PRR14L: variants seen among roughly 807,000 people sequenced by gnomAD.
PRR14L encodes protein PRR14L.
PRR14L carries 80 observed loss-of-function variants against 155.0 expected under a neutral mutation model. The ratio of observed to expected loss-of-function variants is 0.52; its 90% CI spans 0.43 to 0.62. The LOEUF (loss-of-function observed/expected upper bound fraction) is 0.62. PRR14L is among the 20% of genes least tolerant of loss of function. PRR14L has a pLI of 0.00. For synonymous variants in PRR14L, 883 were observed against 916.0 expected (o/e 0.96, Z 0.65); for missense variants, 2,469 against 2,548.0 (o/e 0.97, Z 0.67).
At chr22:31,694,361 C>T (rs1183987919) in intron 7 of PRR14L, among the ~76,000 whole-genome samples, 3 of 152,064 alleles carry the variant, frequency 2.0e-5, no homozygotes, top group East Asian at 1.9e-4. Flanking sequence ...TGAGCTACCA[C>T]GCCCGGCCAG....
chr22:31,714,654 TTAC>T lies in PRR14L; in HGVS notation c.3182_3184del (p.Ser1061del). ...GTCCAGCACACCTTCTGCAAGCTTATTACTACAGTCCGTGTAGACGATGTCTAC... is the reference window on the plus strand; with the variant it reads ...GTCCAGCACACCTTCTGCAAGCTTATTACAGTCCGTGTAGACGATGTCTAC... On this transcript the variant is annotated inframe_deletion, in exon 4 of 9. Transcript: ENST00000327423. 6.4e-7 allele frequency: 1 copy of T among 1,552,252 alleles called. No individual in the cohort carries two copies. The highest frequency in any genetic ancestry group is 8.7e-7 in the Non-Finnish European group (1 of 1,147,106).
At chr22:31,702,723 C>T (rs1189555668) in intron 6 of PRR14L, among the ~76,000 whole-genome samples, 1 of 151,858 alleles carries the variant, frequency 6.6e-6, no homozygotes, top group African/African-American at 2.4e-5. Flanking sequence ...ACCATACTGG[C>T]CAGGCTGGTC....
intron 3 of PRR14L, among the ~76,000 whole-genome samples, chr22:31,719,716 G>C (rs2074679987): frequency 6.6e-6 from 1 of 151,572 alleles, no homozygotes; most frequent in Admixed American, 6.6e-5. Context: ...GACCAGCTAA[G>C]CTTCAATCAT....
chr22:31,734,227 TC>T, intron 2 of PRR14L, among the ~76,000 whole-genome samples: 1 of 152,268 alleles, frequency 6.6e-6, no homozygotes, highest in African/African-American at 2.4e-5. Context: ...CGCCTCAGCC[TC>T]CCAAAGTGCT....
In PRR14L at chr22:31,738,748, G is replaced by A. The variant is rs1273704683; in HGVS notation, c.113C>T (p.Ala38Val). The change falls in exon 2 of 9, where the codon GCT becomes GTT. Residue 38 changes from alanine to valine, a missense_variant. Around this residue, in one of 2 missense-constraint regions of PRR14L, gnomAD observed 2,363 missense variants for 2,371.6 expected, o/e 1.00. Coordinates refer to ENST00000327423, the MANE Select transcript of PRR14L (RefSeq NM_173566.3). ...LPVSVSRELH[A>V]DPEPSVIPDV... is the part of the protein sequence containing the mutation. ...TGGAATCACACTTGGCTCAGGGTCA[G>A]CATGAAGCTCTCTGGAGACACTTAC... 2 of 1,551,894 alleles carry A rather than the reference G, an allele frequency of 1.3e-6. No individual in the cohort carries two copies. The highest frequency in any genetic ancestry group is 1.7e-6 in the Non-Finnish European group (2 of 1,147,032).
intron 4 of PRR14L, among the ~76,000 whole-genome samples, chr22:31,705,354 A>G (rs1268388519): frequency 6.6e-6 from 1 of 152,156 alleles, no homozygotes; most frequent in Non-Finnish European, 1.5e-5. Flanking sequence ...ATAACCTTAT[A>G]AAATATTAGA....
chr22:31,689,445 A>G (rs2074499758), intron 7 of PRR14L, among the ~76,000 whole-genome samples: 1 of 152,222 alleles, frequency 6.6e-6, no homozygotes. Flanking sequence ...CCTGCCCTAG[A>G]CCTGTAATCA....
chr22:31,721,876 G>A (rs1025905253), intron 3 of PRR14L, among the ~76,000 whole-genome samples: 1 of 152,086 alleles, frequency 6.6e-6, no homozygotes, highest in Non-Finnish European at 1.5e-5. Flanking sequence ...TGATAGTACT[G>A]ACAGTGGGAC....
intron 6 of PRR14L, among the ~76,000 whole-genome samples, chr22:31,701,980 T>G (rs151330928): frequency 6.6e-6 from 1 of 152,250 alleles, no homozygotes; most frequent in East Asian, 1.9e-4. Context: ...GGAATTTTTA[T>G]TTTTAGATGG....
chr22:31,723,742 A>T (rs1257688256), intron 3 of PRR14L, among the ~76,000 whole-genome samples: 1 of 152,206 alleles, frequency 6.6e-6, no homozygotes, highest in African/African-American at 2.4e-5. Flanking sequence ...ACTGGGACAA[A>T]TGTCCTTTTT....
chr22:31,705,237 A>C (rs1479137359), intron 4 of PRR14L, among the ~76,000 whole-genome samples: 1 of 152,170 alleles, frequency 6.6e-6, no homozygotes, highest in Non-Finnish European at 1.5e-5. Context: ...CTTCAGCCTG[A>C]GTATCAGGGC....
chr22:31,728,481 C>G (rs1370541904), intron 2 of PRR14L, among the ~76,000 whole-genome samples: 1 of 151,550 alleles, frequency 6.6e-6, no homozygotes, highest in Non-Finnish European at 1.5e-5. Flanking sequence ...GGCATGGTGG[C>G]GGGTGCCTGT....
Position 31,703,693 on chromosome 22 carries a change from G to C in PRR14L, c.5857C>G (p.Pro1953Ala). 1 of 1,600,974 alleles carries C rather than the reference G, an allele frequency of 6.2e-7. No homozygotes were observed. The highest frequency in any genetic ancestry group is 1.7e-4 in the Middle Eastern group (1 of 5,990). ...RLEPPFPALVPKSCLVAESAV... is the reference protein window; with the variant it reads ...RLEPPFPALVAKSCLVAESAV... ...GATTCTGCTACCAAGCAAGACTTTG[G>C]TACCAAGGCAGGGAATGGAGGCTCC... The change falls in exon 6 of 9, where the codon CCA becomes GCA. Residue 1953 changes from proline to alanine, a missense_variant. Around this residue, in one of 2 missense-constraint regions of PRR14L, gnomAD observed 2,363 missense variants for 2,371.6 expected, o/e 1.00. Transcript: ENST00000327423.
rs953855683 is a variant in PRR14L at position 31,723,962 on chromosome 22, G to A, written c.547+1576C>T. On this transcript the variant is annotated intron_variant, in intron 3 of 8. Coordinates refer to ENST00000327423, the MANE Select transcript of PRR14L (RefSeq NM_173566.3). ...CAGGCAAGTGAGCAAAGCTTCATCT[G>A]CATTTACAGCTGCTCCTCATGCTTG... Among the ~76,000 whole-genome samples the A allele has an allele frequency of 4.6e-5, 7 of 152,346 alleles. 1 individual carries two copies. The highest frequency in any genetic ancestry group is 2.0e-4 in the Admixed American group (3 of 15,296).
intron 7 of PRR14L, 22 bp downstream of exon 7, chr22:31,701,634 T>C: frequency 1.3e-6 from 2 of 1,527,882 alleles, no homozygotes; most frequent in South Asian, 2.3e-5. Flanking sequence ...TGAACCTAGC[T>C]TGTAACAGAG....
intron 3 of PRR14L, among the ~76,000 whole-genome samples, chr22:31,722,171 T>TG (rs1011576927): frequency 6.6e-5 from 10 of 152,058 alleles, no homozygotes; most frequent in African/African-American, 2.2e-4. Flanking sequence ...GGCTCACACT[T>TG]GTAATCTCAG....
At chr22:31,721,483 G>A (rs1287844249) in intron 3 of PRR14L, among the ~76,000 whole-genome samples, 2 of 151,874 alleles carry the variant, frequency 1.3e-5, no homozygotes, top group Non-Finnish European at 2.9e-5. Flanking sequence ...CAGGAGAATG[G>A]CGTGAACCCG....
intron 2 of PRR14L, 34 bp downstream of exon 2, chr22:31,738,353 C>A: frequency 1.3e-6 from 2 of 1,511,642 alleles, no homozygotes; most frequent in Non-Finnish European, 1.8e-6. Flanking sequence ...GTCATTCACA[C>A]TCAACTCTTC....
chr22:31,720,955 C>A (rs2074686146), intron 3 of PRR14L, among the ~76,000 whole-genome samples: 1 of 152,176 alleles, frequency 6.6e-6, no homozygotes, highest in South Asian at 2.1e-4. Context: ...GTTCCTGATA[C>A]CATTTCACCT....
Sources: allele counts gnomAD v4.1 joint callset (sites outside exome capture counted in the v4.1 genomes callset), GRCh38; gene constraint gnomAD v4.1.1; regional missense constraint gnomAD v4.1.1; transcripts MANE v1.5; gene names NCBI Gene and HGNC (gene_info 2026-07-23, HGNC 2026-07-21).